The following FAM184A variants were observed in gnomAD, a reference collection of about 807,000 sequenced individuals.
FAM184A encodes family with sequence similarity 184 member A, also known as protein FAM184A.
A neutral mutation model predicts 143.8 loss-of-function variants in FAM184A; 99 were observed. The observed-to-expected ratio is 0.69, with a 90% CI of 0.58 to 0.81. FAM184A has a LOEUF of 0.81. FAM184A is among the 40% of genes least tolerant of loss of function. The pLI is 0.00. For synonymous variants in FAM184A, 427 were observed against 446.4 expected, an observed-to-expected ratio of 0.96 and a Z score of 0.55; for missense variants, 1,217 against 1,310.5, an observed-to-expected ratio of 0.93 and a Z score of 1.10.
intron 1 of FAM184A, among the ~76,000 whole-genome samples, chr6:119,073,222 A>G (rs1787756602): frequency 6.6e-6 from 1 of 152,246 alleles, no homozygotes; most frequent in Non-Finnish European, 1.5e-5. Context: ...AAGAGCCATA[A>G]GCTGGGTATT....
chr6:118,964,091 G>A (rs778118358), intron 16 of FAM184A, among the ~76,000 whole-genome samples: 3 of 152,068 alleles, frequency 2.0e-5, no homozygotes, highest in African/African-American at 4.8e-5. Flanking sequence ...TCGGGAGCTG[G>A]AAGCAGGAGG....
chr6:119,097,520 AT>A (rs1172866608), intron 1 of FAM184A, among the ~76,000 whole-genome samples: 1 of 152,138 alleles, frequency 6.6e-6, no homozygotes. Flanking sequence ...TTGTGATACT[AT>A]TTTACATATA....
intron 1 of FAM184A, among the ~76,000 whole-genome samples, chr6:119,117,157 T>C (rs1240967589): frequency 6.6e-6 from 1 of 151,988 alleles, no homozygotes; most frequent in Admixed American, 6.6e-5. Flanking sequence ...GGATTGGGAG[T>C]GGGCATAGAT....
chr6:119,112,855 C>T (rs1562155361), intron 1 of FAM184A, among the ~76,000 whole-genome samples: 1 of 152,182 alleles, frequency 6.6e-6, no homozygotes, highest in Non-Finnish European at 1.5e-5. Context: ...TCCAAGGCAT[C>T]TTTGGAAAAC....
At chr6:119,077,725 T>TA (rs1787923675) in intron 1 of FAM184A, among the ~76,000 whole-genome samples, 1 of 152,224 alleles carries the variant, frequency 6.6e-6, no homozygotes, top group Non-Finnish European at 1.5e-5. Flanking sequence ...GAGTAACCAG[T>TA]AAGATACTGT....
intron 9 of FAM184A, among the ~76,000 whole-genome samples, chr6:118,994,687 AAATAAATAAAT>A (rs1422801087): frequency 0.022 from 3,076 of 137,922 alleles, 156 homozygotes; most frequent in African/African-American, 0.073. Flanking sequence ...CTCCATCTCT[AAATAAATAAAT>A]AAATAAATAA....
intron 1 of FAM184A, among the ~76,000 whole-genome samples, chr6:119,099,968 C>G (rs1788599417): frequency 6.6e-6 from 1 of 152,186 alleles, no homozygotes; most frequent in African/African-American, 2.4e-5. Flanking sequence ...GTGAAAGAAC[C>G]TGGGCTTGAG....
chr6:119,113,404 C>A (rs1451679107), intron 1 of FAM184A, among the ~76,000 whole-genome samples: 6 of 152,030 alleles, frequency 3.9e-5, no homozygotes, highest in African/African-American at 1.4e-4. Context: ...TGACTTGGTG[C>A]CTGGATGTGG....
chr6:118,994,028 G>A (rs1212450453), intron 9 of FAM184A, among the ~76,000 whole-genome samples: 4 of 152,182 alleles, frequency 2.6e-5, no homozygotes, highest in South Asian at 2.1e-4. Flanking sequence ...CTCAGGGGCT[G>A]TGCACACACT....
chr6:118,998,705 A>G (rs575464216), intron 9 of FAM184A, among the ~76,000 whole-genome samples: 1 of 152,272 alleles, frequency 6.6e-6, no homozygotes, highest in South Asian at 2.1e-4. Context: ...AGTCCCCAAG[A>G]TGGGTTCAGC....
At chr6:119,081,993 TC>T (rs1788083173), upstream of FAM184A, among the ~76,000 whole-genome samples, 5 of 152,240 alleles carry the variant, frequency 3.3e-5, no homozygotes, top group South Asian at 1.0e-3. Flanking sequence ...CCTGCTAGGG[TC>T]CCCAGGTTTT....
chr6:119,114,857 G>A (rs146076186), intron 1 of FAM184A, among the ~76,000 whole-genome samples: 18 of 151,912 alleles, frequency 1.2e-4, no homozygotes, highest in Non-Finnish European at 2.1e-4. Flanking sequence ...TGTGCCTAGC[G>A]TTTATTTTGT....
chr6:118,960,430 A>C (rs1056989906), intron 17 of FAM184A, among the ~76,000 whole-genome samples: 11 of 152,200 alleles, frequency 7.2e-5, no homozygotes, highest in African/African-American at 2.7e-4. Flanking sequence ...CACAAAGAAC[A>C]AAAAACAACT....
At chr6:119,094,688 A>T (rs573684434) in intron 1 of FAM184A, among the ~76,000 whole-genome samples, 2 of 152,254 alleles carry the variant, frequency 1.3e-5, no homozygotes, top group African/African-American at 4.8e-5. Flanking sequence ...AATTGAGTTC[A>T]GGTAATTTAT....
At chr6:118,988,290 A>G (rs2114603344) in intron 9 of FAM184A, among the ~76,000 whole-genome samples, 1 of 152,336 alleles carries the variant, frequency 6.6e-6, no homozygotes, top group African/African-American at 2.4e-5. Flanking sequence ...GAAATTAAAG[A>G]CACACAGTCT....
At chr6:118,995,369 T>C (rs1286854235) in intron 9 of FAM184A, among the ~76,000 whole-genome samples, 1 of 152,020 alleles carries the variant, frequency 6.6e-6, no homozygotes, top group Admixed American at 6.6e-5. Context: ...CAGTGAGCCA[T>C]GATTGTGCCA....
intron 1 of FAM184A, among the ~76,000 whole-genome samples, chr6:119,045,133 C>A (rs1267208692): frequency 6.6e-6 from 1 of 152,128 alleles, no homozygotes; most frequent in East Asian, 1.9e-4. Flanking sequence ...GGAAGTGAAG[C>A]CAAAAGTGAC....
intron 1 of FAM184A, among the ~76,000 whole-genome samples, chr6:119,136,491 T>G (rs911208419): frequency 6.6e-6 from 1 of 152,146 alleles, no homozygotes; most frequent in Non-Finnish European, 1.5e-5. Context: ...GATAGACCCA[T>G]GTGTCACTGA....
chr6:119,043,189 C>G (rs1372290885), intron 1 of FAM184A, among the ~76,000 whole-genome samples: 1 of 152,112 alleles, frequency 6.6e-6, no homozygotes, highest in African/African-American at 2.4e-5. Context: ...TTTTCATGAA[C>G]CTATCAGAAA....
Sources: gnomAD v4.1 joint callset for allele counts (sites outside exome capture counted in the v4.1 genomes callset) on GRCh38, gnomAD v4.1.1 for gene constraint, MANE v1.5 for transcripts, NCBI Gene and HGNC (gene_info 2026-07-23, HGNC 2026-07-21) for gene names.